The following PCDH7 variants were observed in gnomAD, a reference collection of about 807,000 sequenced individuals.
The protein encoded by PCDH7 is protocadherin-7.
A neutral mutation model predicts 58.9 loss-of-function variants in PCDH7; 17 were observed. The ratio of observed to expected loss-of-function variants is 0.29; its 90% CI spans 0.20 to 0.43. The LOEUF is 0.43. Among genes scored for constraint, PCDH7 ranks in the 20% least tolerant of loss-of-function variants. PCDH7 has a pLI of 1.00. For missense variants in PCDH7, 1,274 were observed against 1,441.0 expected (o/e 0.88, Z 1.88); for synonymous variants, 664 against 616.4 (o/e 1.08, Z -1.14).
chr4:30,887,781 GT>G (rs1233904648), intron 1 of PCDH7, among the ~76,000 whole-genome samples: 1 of 151,930 alleles, frequency 6.6e-6, no homozygotes, highest in Admixed American at 6.6e-5. Flanking sequence ...AAGTTTATGA[GT>G]TTTGCATTCA....
Position 31,134,536 on chromosome 4 carries a change from A to C in PCDH7, c.*8-7937A>C, listed in dbSNP as rs757441863. 7.2e-5 allele frequency among the ~76,000 whole-genome samples: 11 copies of C among 152,272 alleles called. No individual in the cohort carries two copies. In the South Asian group the frequency reaches 8.3e-4, roughly 11 times the overall value. ...TCCTGGGTTATTGCTTGGAACAGTT[A>C]ATTTATTGCACATAGCATAATATAT... On this transcript the variant is annotated intron_variant, in intron 3 of 3. Coordinates refer to the PCDH7 transcript ENST00000509759.
chr4:30,935,319 T>C (rs1745212196), intron 2 of PCDH7: 1 of 980,570 alleles, frequency 1.0e-6, no homozygotes, highest in Non-Finnish European at 1.2e-6. Flanking sequence ...CAGAAATGTT[T>C]ACTGGCCTCA....
chr4:30,786,532 C>A (rs888829789), intron 1 of PCDH7, among the ~76,000 whole-genome samples: 2 of 151,564 alleles, frequency 1.3e-5, no homozygotes, highest in African/African-American at 4.8e-5. Context: ...GATTTAGATG[C>A]CTCAGGGTTG....
intron 3 of PCDH7, among the ~76,000 whole-genome samples, chr4:31,126,185 G>A (rs1283238102): frequency 7.5e-5 from 11 of 147,294 alleles, no homozygotes; most frequent in South Asian, 2.1e-4. Flanking sequence ...GTGCAGTGGC[G>A]TAATCTTGGC....
chr4:30,821,811 T>C (rs2109322043), intron 1 of PCDH7, among the ~76,000 whole-genome samples: 1 of 152,316 alleles, frequency 6.6e-6, no homozygotes, highest in South Asian at 2.1e-4. Context: ...AAACCCATCC[T>C]TCTGCATACA....
chr4:30,797,562 C>T (rs1369685690), intron 1 of PCDH7, among the ~76,000 whole-genome samples: 1 of 152,192 alleles, frequency 6.6e-6, no homozygotes, highest in Non-Finnish European at 1.5e-5. Context: ...GCTTGAGCCA[C>T]CGTGCCCAGC....
chr4:31,072,715 T>C (rs1198717923), intron 3 of PCDH7, among the ~76,000 whole-genome samples: 1 of 152,108 alleles, frequency 6.6e-6, no homozygotes. Flanking sequence ...TATTGGAATG[T>C]GTCAAATATA....
intron 3 of PCDH7, among the ~76,000 whole-genome samples, chr4:31,062,840 C>T (rs35809812): frequency 0.039 from 5,849 of 151,698 alleles, 371 homozygotes; most frequent in East Asian, 0.32. Flanking sequence ...TCAAAAACTT[C>T]GTGTTTTTAA....
chr4:30,742,298 C>T (rs1717183768), intron 1 of PCDH7, among the ~76,000 whole-genome samples: 1 of 152,058 alleles, frequency 6.6e-6, no homozygotes, highest in South Asian at 2.1e-4. Flanking sequence ...TTTATGCTTA[C>T]CATTTCAAAT....
At chr4:30,853,770 G>A (rs1733087206) in intron 1 of PCDH7, among the ~76,000 whole-genome samples, 1 of 151,858 alleles carries the variant, frequency 6.6e-6, no homozygotes, top group Non-Finnish European at 1.5e-5. Flanking sequence ...TCTGCTTAAA[G>A]TTAAAAGTCA....
intron 3 of PCDH7, among the ~76,000 whole-genome samples, chr4:31,132,746 A>G (rs1375703109): frequency 6.6e-6 from 1 of 152,128 alleles, no homozygotes; most frequent in Non-Finnish European, 1.5e-5. Flanking sequence ...TCTTATTTGG[A>G]CTTCTGTGAT....
chr4:31,111,106 T>A (rs1310614610), intron 3 of PCDH7, among the ~76,000 whole-genome samples: 2 of 152,082 alleles, frequency 1.3e-5, no homozygotes, highest in Non-Finnish European at 2.9e-5. Flanking sequence ...TATTAGTATA[T>A]TTGTGAATTC....
At chr4:30,744,343 AAGAGT>A (rs1467121148) in intron 1 of PCDH7, among the ~76,000 whole-genome samples, 2 of 152,230 alleles carry the variant, frequency 1.3e-5, no homozygotes, top group African/African-American at 4.8e-5. Flanking sequence ...GTAAAAGCAA[AAGAGT>A]TTCCTTAGGC....
intron 3 of PCDH7, among the ~76,000 whole-genome samples, chr4:31,022,798 T>C (rs528249160): frequency 3.5e-4 from 53 of 152,280 alleles, no homozygotes; most frequent in Non-Finnish European, 6.2e-4. Context: ...ACTTGGCCCT[T>C]GTCTTTCAAA....
At chr4:31,034,928 G>A (rs751361847) in intron 3 of PCDH7, among the ~76,000 whole-genome samples, 2 of 152,218 alleles carry the variant, frequency 1.3e-5, no homozygotes, top group African/African-American at 4.8e-5. Context: ...GCATCCACAG[G>A]TTGGAAAATG....
chr4:31,047,903 T>C (rs1473994432), intron 3 of PCDH7, among the ~76,000 whole-genome samples: 1 of 152,050 alleles, frequency 6.6e-6, no homozygotes, highest in Non-Finnish European at 1.5e-5. Flanking sequence ...GTTTAGACTG[T>C]AGTGACTTCT....
chr4:30,888,803 T>G (rs1242877627), intron 1 of PCDH7, among the ~76,000 whole-genome samples: 1 of 152,158 alleles, frequency 6.6e-6, no homozygotes, highest in Non-Finnish European at 1.5e-5. Context: ...AACTGGCCAA[T>G]GTATATGAGT....
At chr4:31,114,632 AACACACACACACACACAC>A (rs34203962) in intron 3 of PCDH7, among the ~76,000 whole-genome samples, 1 of 143,686 alleles carries the variant, frequency 7.0e-6, no homozygotes, top group East Asian at 2.1e-4. Context: ...CACACATACA[AACACACACACACACACAC>A]ACACACACAC....
intron 1 of PCDH7, among the ~76,000 whole-genome samples, chr4:30,866,899 C>G (rs1415461131): frequency 6.6e-6 from 1 of 152,046 alleles, no homozygotes; most frequent in African/African-American, 2.4e-5. Flanking sequence ...TTTTGTTTTC[C>G]TTTTTCTTTT....
Sources: allele counts gnomAD v4.1 joint callset (sites outside exome capture counted in the v4.1 genomes callset), GRCh38; gene constraint gnomAD v4.1.1; transcripts MANE v1.5; gene names NCBI Gene and HGNC (gene_info 2026-07-23, HGNC 2026-07-21).